Variants in HPS5 observed in about 807,000 individuals in gnomAD.
HPS5 encodes BLOC-2 complex member HPS5.
Under a neutral mutation model 128.0 loss-of-function variants are expected in HPS5, and 83 were observed. That is an observed-to-expected ratio of 0.65 (90% CI 0.54 to 0.78). HPS5 has a LOEUF of 0.78. Ranked by LOEUF, HPS5 falls within the 30% of genes least tolerant of loss-of-function variation. The probability of loss-of-function intolerance (pLI) is 0.00; values close to 1 mark genes in which losing one functional copy is unlikely to be tolerated. For synonymous variants in HPS5, 475 were observed against 470.2 expected, an observed-to-expected ratio of 1.01 and a Z score of -0.13; for missense variants, 1,281 against 1,326.2, an observed-to-expected ratio of 0.97 and a Z score of 0.53.
chr11:18,280,487 A>G (rs1184103561), intron 22 of HPS5: 2 of 675,290 alleles, frequency 3.0e-6, no homozygotes, highest in South Asian at 3.2e-5. Flanking sequence ...GTGGTTCCTC[A>G]AAAAATTAAA....
chr11:18,300,868 A>G lies in HPS5; in HGVS notation c.945T>C (p.Ile315=). Residue 315 remains isoleucine, a synonymous_variant, in exon 9 of 23, where the codon ATT becomes ATC. Coordinates refer to ENST00000349215, the MANE Select transcript of HPS5 (RefSeq NM_181507.2). ...AAAGAAGAACTTGAACATTCTGAGG[A>G]ATGAAAATATAAATTCCTCTTTCTG... ...TWTERGIYIF[I]PQNVQVLLWS... is the part of the protein sequence containing the mutation. 1 of 1,599,974 alleles carries G rather than the reference A, an allele frequency of 6.3e-7. No individual in the cohort carries two copies. Among genetic ancestry groups the G allele is most frequent in the Non-Finnish European group, 8.6e-7 (1 of 1,167,190 alleles).
Position 18,279,857 on chromosome 11 carries a change from T to C in HPS5, c.*25A>G, listed in dbSNP as rs1329193985. On this transcript the variant is annotated 3_prime_UTR_variant, in exon 23 of 23. Coordinates refer to ENST00000349215, the MANE Select transcript of HPS5 (RefSeq NM_181507.2). ...TGATTTAGTTTTTCTCAAAATGTCATGACATCCTGCTGAATCTTCTCCCAC... is the reference window on the plus strand; with the variant it reads ...TGATTTAGTTTTTCTCAAAATGTCACGACATCCTGCTGAATCTTCTCCCAC... 3.1e-6 allele frequency: 5 copies of C among 1,607,736 alleles called. No individual in the cohort carries two copies. Among genetic ancestry groups the C allele is most frequent in the South Asian group, 2.2e-5 (2 of 90,936 alleles).
At chr11:18,303,457 G>A (rs1223559567) in intron 8 of HPS5, among the ~76,000 whole-genome samples, 2 of 152,304 alleles carry the variant, frequency 1.3e-5, no homozygotes, top group African/African-American at 4.8e-5. Context: ...CTTTAGCTGA[G>A]GAATAGGCAG....
intron 16 of HPS5, 146 bp from the exon 17 acceptor site, chr11:18,288,159 G>A: frequency 1.3e-6 from 1 of 761,514 alleles, no homozygotes; most frequent in Non-Finnish European, 2.1e-6. Flanking sequence ...CATTACAAGA[G>A]AAACAAATAA....
chr11:18,288,253 G>A (rs187664572), intron 16 of HPS5, among the ~76,000 whole-genome samples: 11 of 152,192 alleles, frequency 7.2e-5, no homozygotes, highest in East Asian at 5.8e-4. Context: ...TAAATAAGAC[G>A]AAGGAACATA....
Position 18,283,905 on chromosome 11 carries a change from T to C in HPS5, c.2952-4A>G, listed in dbSNP as rs778515774. The C allele has an allele frequency of 4.0e-5, 64 of 1,602,062 alleles. No individual in the cohort carries two copies. The South Asian group carries it at 6.6e-4, about 17-fold the overall frequency. ...AATTAGATATCCAGGCCAGAAACTT[T>C]AAAGAGACCGAAGTTGAAGAAAGGA... is the stretch of plus-strand genomic sequence containing the variant. On this transcript the variant is annotated splice_polypyrimidine_tract_variant and splice_region_variant and intron_variant, in intron 20 of 22. Coordinates refer to ENST00000349215, the MANE Select transcript of HPS5 (RefSeq NM_181507.2).
At chr11:18,295,232 T>G in intron 13 of HPS5, 63 bp from the exon 14 acceptor site, 1 of 1,527,870 alleles carries the variant, frequency 6.5e-7, no homozygotes, top group Non-Finnish European at 8.9e-7. Flanking sequence ...AACTCAGGTT[T>G]TCATTCTTCA....
In HPS5 at chr11:18,291,078, C is replaced by T. The variant is rs148078082; in HGVS notation, c.2440+364G>A. Among the ~76,000 whole-genome samples, 299 of 152,236 alleles carry T rather than the reference C, an allele frequency of 2.0e-3. 1 individual carries two copies. Among genetic ancestry groups the T allele is most frequent in the African/African-American group, 6.8e-3 (281 of 41,548 alleles). On this transcript the variant is annotated intron_variant, in intron 16 of 22. Transcript: ENST00000349215. Reference sequence around the variant, plus strand: ...TACTAAAATACAAAAATTAGCTGGGCGTGGTGGTGCACGCCTGCAGTCCCA... The same window carrying T: ...TACTAAAATACAAAAATTAGCTGGGTGTGGTGGTGCACGCCTGCAGTCCCA...
rs1859946697 is a variant in HPS5 at position 18,287,959 on chromosome 11, G to A, written c.2495C>T (p.Thr832Ile). The A allele has an allele frequency of 1.2e-6, 2 of 1,613,802 alleles. No individual in the cohort carries two copies. The highest frequency in any genetic ancestry group is 1.7e-6 in the Non-Finnish European group (2 of 1,179,870). The change falls in exon 17 of 23, where the codon ACA becomes ATA. Residue 832 changes from threonine (T) to isoleucine (I), a missense_variant. Physicochemically the swap from Thr to Ile is moderately conservative, Grantham distance 89 (BLOSUM62 -1). Transcript: ENST00000349215. ...CTCGTCATCTAGTAACTTTAACCTT[G>A]TTGGTAGATCTCCTTTTTCCATCTC... Reference protein sequence around the residue: ...YMEMEKGDLPTRLKLLDDEVP... With the variant: ...YMEMEKGDLPIRLKLLDDEVP...
chr11:18,291,103 A>G (rs1860347152), intron 16 of HPS5, among the ~76,000 whole-genome samples: 1 of 152,182 alleles, frequency 6.6e-6, no homozygotes, highest in Non-Finnish European at 1.5e-5. Flanking sequence ...CTGCAGTCCC[A>G]GCTACTTGGG....
chr11:18,285,438 G>A lies in HPS5; in HGVS notation c.2859C>T (p.Ser953=). ...GYPRPHSHLL[S]WGYSQLILHL... is the part of the protein sequence containing the mutation. ...GAAGGATCAGCTGACTGTAACCCCA[G>A]GAAAGCAAGTGTGAATGAGGCCTAT... The change falls in exon 20 of 23, where the codon TCC becomes TCT. Residue 953 remains serine, a synonymous_variant. Coordinates refer to ENST00000349215, the MANE Select transcript of HPS5 (RefSeq NM_181507.2). The A allele has an allele frequency of 1.9e-6, 3 of 1,611,942 alleles. No homozygotes were observed. The South Asian group carries it at 3.3e-5, about 18-fold the overall frequency.
rs1460446684 is a variant in HPS5 at position 18,285,355 on chromosome 11, C to G, written c.2942G>C (p.Arg981Thr). The G allele has an allele frequency of 6.2e-7, 1 of 1,605,484 alleles. No homozygotes were observed. Residue 981 changes from arginine (R) to threonine (T), a missense_variant, in exon 20 of 23, where the codon AGG becomes ACG. Arg to Thr is a moderately conservative substitution (Grantham distance 71, BLOSUM62 -1). Transcript: ENST00000349215. ...ITKEKMTDIC[R>T]SCGFWPGYLI... ...AAAAATTCTCACTTACCCACAAGAC[C>G]TGCAGATGTCTGTCATTTTCTCTTT...
At chr11:18,295,926 A>C in intron 13 of HPS5, 73 bp downstream of exon 13, 1 of 1,468,342 alleles carries the variant, frequency 6.8e-7, no homozygotes, top group South Asian at 1.1e-5. Flanking sequence ...TTCCATTCTC[A>C]GCACAAATTA....
At position 18,283,080 on chromosome 11, in the gene HPS5, C is replaced by T. The variant is rs368905659; in HGVS notation, c.3058+715G>A. Reference sequence around the variant, plus strand: ...GCAGTGGTGCGATCTCAGCTCACTGCAACCTCCACCTCCCAGGTTCAAGCA... The same window carrying T: ...GCAGTGGTGCGATCTCAGCTCACTGTAACCTCCACCTCCCAGGTTCAAGCA... On this transcript the variant is annotated intron_variant, in intron 21 of 22. Coordinates refer to ENST00000349215, the MANE Select transcript of HPS5 (RefSeq NM_181507.2). Among the ~76,000 whole-genome samples, 20 of 152,188 alleles carry T rather than the reference C, an allele frequency of 1.3e-4. No individual in the cohort carries two copies. The East Asian group carries it at 2.3e-3, about 18-fold the overall frequency.
chr11:18,298,755 A>T (rs763108272), intron 10 of HPS5, 37 bp downstream of exon 10: 5 of 1,602,370 alleles, frequency 3.1e-6, no homozygotes, highest in Non-Finnish European at 3.4e-6. Context: ...AGTTTCACCA[A>T]TCCATGGTAA....
Position 18,305,411 on chromosome 11 carries a change from T to A in HPS5, c.896+11A>T, listed in dbSNP as rs530275520. 19 of 1,563,062 alleles carry A rather than the reference T, an allele frequency of 1.2e-5. No homozygotes were observed. In the Admixed American group the frequency reaches 3.2e-4, roughly 26 times the overall value. On this transcript the variant is annotated intron_variant, in intron 8 of 22. Coordinates refer to ENST00000349215, the MANE Select transcript of HPS5 (RefSeq NM_181507.2). ...TTTTCCCCCCCAGAACTAAGGAAAG[T>A]AGAAACTTACCTAAGATGTAAGAGT...
chr11:18,306,832 ACT>A (rs1191537845), intron 6 of HPS5, among the ~76,000 whole-genome samples: 1 of 152,174 alleles, frequency 6.6e-6, no homozygotes, highest in African/African-American at 2.4e-5. Context: ...TCCTTCTGAA[ACT>A]CTGCACCTTG....
rs905764325 is a variant in HPS5, at chr11:18,296,197, T to C, written c.1511-75A>G. ...GTTGTTTTAATCTTTAAAAAAATTC[T>C]GAAATGAATAAACCGAAAGAAATGA... is the stretch of plus-strand genomic sequence containing the variant. On this transcript the variant is annotated intron_variant, in intron 12 of 22. Coordinates refer to ENST00000349215, the MANE Select transcript of HPS5 (RefSeq NM_181507.2). 216 of 1,485,132 alleles carry C rather than the reference T, an allele frequency of 1.5e-4. 1 individual carries two copies. The highest frequency in any genetic ancestry group is 9.3e-5 in the East Asian group (4 of 42,846). 92.0% of individuals were successfully genotyped at this position (1,485,132 alleles called of 1,614,324 possible). A position where few individuals can be genotyped will look rare whatever the true frequency, so the allele number is the denominator to read the frequency against.
intron 13 of HPS5, 26 bp from the exon 14 acceptor site, chr11:18,295,195 A>C (rs1590082483): frequency 6.2e-7 from 1 of 1,606,666 alleles, no homozygotes; most frequent in Admixed American, 1.7e-5. Flanking sequence ...CAAAAAACTA[A>C]CATGAATAAA....
Sources: allele counts gnomAD v4.1 joint callset (sites outside exome capture counted in the v4.1 genomes callset), GRCh38; gene constraint gnomAD v4.1.1; transcripts MANE v1.5; gene names NCBI Gene and HGNC (gene_info 2026-07-23, HGNC 2026-07-21).